The following FRMD4B variants were observed in gnomAD, a reference collection of about 807,000 sequenced individuals.
The protein encoded by FRMD4B is FERM domain-containing protein 4B.
A neutral mutation model predicts 141.5 loss-of-function variants in FRMD4B; 74 were observed. That is an observed-to-expected ratio of 0.52 (90% CI 0.43 to 0.63). FRMD4B has a LOEUF of 0.63. FRMD4B is among the 30% of genes least tolerant of loss of function. The probability of loss-of-function intolerance (pLI) is 0.00; values close to 1 mark genes in which losing one functional copy is unlikely to be tolerated. For missense variants in FRMD4B, 1,366 were observed against 1,253.4 expected (o/e 1.09, Z -1.36); for synonymous variants, 506 against 467.9 (o/e 1.08, Z -1.05).
At chr3:69,196,458 T>C (rs910490109) in intron 13 of FRMD4B, 62 bp from the exon 14 acceptor site, 7 of 1,288,276 alleles carry the variant, frequency 5.4e-6, no homozygotes, top group African/African-American at 1.5e-5. Flanking sequence ...AATGAAACAA[T>C]TAAGTTAACA....
chr3:69,250,144 A>G (rs1246311319), intron 5 of FRMD4B, 45 bp from the exon 6 acceptor site: 1 of 1,322,334 alleles, frequency 7.6e-7, no homozygotes, highest in African/African-American at 1.4e-5. Context: ...GGGCTGTCCT[A>G]GATTGTAGCA....
At chr3:69,441,072 C>A (rs112030536) in intron 1 of FRMD4B, among the ~76,000 whole-genome samples, 79 of 152,054 alleles carry the variant, frequency 5.2e-4, no homozygotes, top group African/African-American at 1.8e-3. Context: ...TTTTTTGAAA[C>A]CCAAATCTGA....
intron 2 of FRMD4B, among the ~76,000 whole-genome samples, chr3:69,405,618 T>C (rs183886062): frequency 5.2e-4 from 79 of 152,336 alleles, no homozygotes; most frequent in African/African-American, 1.9e-3. Flanking sequence ...CGATGTTCTC[T>C]ACAAGGGCTC....
chr3:69,519,992 T>C (rs1271738136), intron 1 of FRMD4B, among the ~76,000 whole-genome samples: 1 of 90,946 alleles, frequency 1.1e-5, no homozygotes, highest in Non-Finnish European at 2.1e-5. Flanking sequence ...GGCTGAGTAG[T>C]ATTCCATATA....
chr3:69,410,825 G>C (rs7624481), intron 2 of FRMD4B, among the ~76,000 whole-genome samples: 45,599 of 146,864 alleles, frequency 0.31, 7,355 homozygotes, highest in East Asian at 0.45. Flanking sequence ...GAGGTATGAT[G>C]ACAGCTCATT....
intron 5 of FRMD4B, among the ~76,000 whole-genome samples, chr3:69,281,153 C>T (rs1230524367): frequency 1.3e-5 from 2 of 151,768 alleles, no homozygotes; most frequent in Non-Finnish European, 2.9e-5. Context: ...AGGCTGGTCT[C>T]GAACTTCTGA....
chr3:69,467,013 A>T (rs1705801797), intron 1 of FRMD4B, among the ~76,000 whole-genome samples: 1 of 152,120 alleles, frequency 6.6e-6, no homozygotes, highest in African/African-American at 2.4e-5. Context: ...GAAGTCTTTT[A>T]AAAAATAAAA....
At chr3:69,206,521 G>C (rs549546533) in intron 11 of FRMD4B, among the ~76,000 whole-genome samples, 2 of 152,172 alleles carry the variant, frequency 1.3e-5, no homozygotes, top group Non-Finnish European at 2.9e-5. Context: ...CTCTGTGGCC[G>C]AATCTCTAAC....
chr3:69,526,954 C>T (rs1352011013), intron 1 of FRMD4B, among the ~76,000 whole-genome samples: 1 of 152,192 alleles, frequency 6.6e-6, no homozygotes, highest in African/African-American at 2.4e-5. Context: ...TGACTTGATA[C>T]ATGAAACCAT....
intron 1 of FRMD4B, among the ~76,000 whole-genome samples, chr3:69,532,054 T>C (rs1057003739): frequency 3.9e-5 from 6 of 152,230 alleles, no homozygotes; most frequent in Admixed American, 1.3e-4. Flanking sequence ...ATTTAAGTCT[T>C]ACAGCCCAAC....
At chr3:69,372,293 G>A (rs1169723434) in intron 1 of FRMD4B, among the ~76,000 whole-genome samples, 2 of 152,194 alleles carry the variant, frequency 1.3e-5, no homozygotes, top group African/African-American at 4.8e-5. Context: ...GCCTACCTCT[G>A]TCTGTTATGC....
rs555021494 is a variant in FRMD4B at position 69,288,438 on chromosome 3, T to C, written c.417-602A>G. Among the ~76,000 whole-genome samples the C allele has an allele frequency of 2.2e-4, 33 of 152,386 alleles. 1 individual carries two copies. Among genetic ancestry groups the C allele is most frequent in the Admixed American group, 2.2e-3 (33 of 15,310 alleles). ...TCAGCAGCCATCAATCTTGGTCTTT[T>C]CTCATGCAAATCAGGGTATTCTGGG... is the stretch of plus-strand genomic sequence containing the variant. On this transcript the variant is annotated intron_variant, in intron 4 of 22. Coordinates refer to ENST00000398540, the MANE Select transcript of FRMD4B (RefSeq NM_015123.3).
intron 2 of FRMD4B, among the ~76,000 whole-genome samples, chr3:69,403,403 G>A (rs1464366757): frequency 6.6e-6 from 1 of 152,144 alleles, no homozygotes; most frequent in African/African-American, 2.4e-5. Flanking sequence ...TTCAATTAAT[G>A]CTAGATACAA....
chr3:69,400,461 A>G (rs1383095825), intron 2 of FRMD4B, among the ~76,000 whole-genome samples: 1 of 151,928 alleles, frequency 6.6e-6, no homozygotes, highest in Admixed American at 6.6e-5. Context: ...CTTAGAAACT[A>G]CTCCTTAGGT....
At position 69,407,873 on chromosome 3, in the gene FRMD4B, T is replaced by G. The variant is rs571997010; in HGVS notation, c.-1+24761A>C. On this transcript the variant is annotated intron_variant, in intron 2 of 5. Coordinates refer to the FRMD4B transcript ENST00000459638. The stretch of plus-strand genomic sequence containing the variant: ...TTTCCAAATATTAGGCATTTGATTT[T>G]TTTTCCTCGTGGAGCCAGGGCTAGC... 3.9e-5 allele frequency among the ~76,000 whole-genome samples: 6 copies of G among 152,352 alleles called. No individual in the cohort carries two copies. In the South Asian group the frequency reaches 1.2e-3, roughly 32 times the overall value.
chr3:69,518,385 A>C (rs892451962), intron 1 of FRMD4B, among the ~76,000 whole-genome samples: 2 of 152,192 alleles, frequency 1.3e-5, no homozygotes, highest in African/African-American at 4.8e-5. Context: ...AGTTCTGGGA[A>C]TATAAAGGTG....
chr3:69,484,999 C>A (rs1351939617), intron 1 of FRMD4B, among the ~76,000 whole-genome samples: 1 of 152,178 alleles, frequency 6.6e-6, no homozygotes, highest in Non-Finnish European at 1.5e-5. Context: ...ACCTTCTGCC[C>A]AGGAGGCTTT....
intron 1 of FRMD4B, among the ~76,000 whole-genome samples, chr3:69,489,565 T>C (rs1706271071): frequency 1.3e-5 from 2 of 152,054 alleles, no homozygotes. Context: ...AGAATGGCTA[T>C]AATAAAAAAG....
intron 2 of FRMD4B, among the ~76,000 whole-genome samples, chr3:69,429,131 G>A (rs1005428898): frequency 6.6e-6 from 1 of 152,306 alleles, no homozygotes; most frequent in Middle Eastern, 3.4e-3. Context: ...TTAGATGGAA[G>A]TACCATCATT....
Sources: allele counts gnomAD v4.1 joint callset (sites outside exome capture counted in the v4.1 genomes callset), GRCh38; gene constraint gnomAD v4.1.1; transcripts MANE v1.5; gene names NCBI Gene and HGNC (gene_info 2026-07-23, HGNC 2026-07-21).